Variants in SLC25A21 observed in about 807,000 individuals in gnomAD.
SLC25A21 encodes the protein solute carrier family 25 member 21.
In SLC25A21, 47 loss-of-function variants were observed where a neutral mutation model predicts 43.8. That is an observed-to-expected ratio of 1.07 (90% CI 0.85 to 1.37). The LOEUF (loss-of-function observed/expected upper bound fraction) is 1.37, where lower values mean the gene tolerates loss of function less well. Among genes scored for constraint, SLC25A21 ranks in the 40% most tolerant of loss-of-function variants. The probability of loss-of-function intolerance (pLI) is 0.00; values close to 1 mark genes in which losing one functional copy is unlikely to be tolerated. For synonymous variants in SLC25A21, 131 were observed against 121.3 expected (o/e 1.08, Z -0.52); for missense variants, 352 against 350.2 (o/e 1.00, Z -0.04).
intron 1 of SLC25A21, among the ~76,000 whole-genome samples, chr14:37,069,274 T>C (rs1962125471): frequency 6.6e-6 from 1 of 152,168 alleles, no homozygotes; most frequent in African/African-American, 2.4e-5. Context: ...TTCAGGGGTG[T>C]GGTTTTCAAG....
chr14:36,700,245 C>T (rs1186899427), intron 7 of SLC25A21, among the ~76,000 whole-genome samples: 2 of 152,174 alleles, frequency 1.3e-5, no homozygotes, highest in Non-Finnish European at 2.9e-5. Flanking sequence ...CCTTTCCATC[C>T]CCTTCTTCCA....
chr14:36,834,526 C>A (rs749721881), intron 2 of SLC25A21, among the ~76,000 whole-genome samples: 2 of 152,128 alleles, frequency 1.3e-5, no homozygotes, highest in African/African-American at 4.8e-5. Flanking sequence ...TACCTTGGTA[C>A]GTTGATTTCT....
At position 37,072,179 on chromosome 14, in the gene SLC25A21, CAAAAAAAA is replaced by C. The variant is rs36060373; in HGVS notation, c.70+100094_70+100101del. ...CCTGCGTGACAGAGTGAGACTGTCT[CAAAAAAAA>C]AAAAAAAAAAAAAGTGGAGGAAATA... On this transcript the variant is annotated intron_variant, in intron 1 of 9. Transcript: ENST00000331299. 5.1e-4 allele frequency among the ~76,000 whole-genome samples: 40 copies of C among 79,028 alleles called. No individual in the cohort carries two copies. In the South Asian group the frequency reaches 0.014, roughly 27 times the overall value. 51.8% of individuals were successfully genotyped at this position (79,028 alleles called of 152,430 possible).
intron 3 of SLC25A21, among the ~76,000 whole-genome samples, chr14:36,767,704 T>C (rs898409586): frequency 6.6e-6 from 1 of 152,216 alleles, no homozygotes; most frequent in African/African-American, 2.4e-5. Flanking sequence ...ATTATGCTAA[T>C]ACATATGCCA....
At chr14:36,823,457 T>G (rs1051158433) in intron 2 of SLC25A21, among the ~76,000 whole-genome samples, 3 of 152,172 alleles carry the variant, frequency 2.0e-5, no homozygotes, top group Non-Finnish European at 4.4e-5. Flanking sequence ...ATATTTAAAC[T>G]TCATATTTAA....
intron 1 of SLC25A21, among the ~76,000 whole-genome samples, chr14:36,893,855 T>C (rs894588057): frequency 7.2e-5 from 11 of 152,184 alleles, no homozygotes; most frequent in African/African-American, 1.7e-4. Flanking sequence ...GTTGTAGATA[T>C]GCAGCATTAT....
chr14:36,792,712 ACT>A (rs2138403434), intron 3 of SLC25A21, among the ~76,000 whole-genome samples: 1 of 152,168 alleles, frequency 6.6e-6, no homozygotes, highest in African/African-American at 2.4e-5. Flanking sequence ...GGTATTTAAA[ACT>A]CTAACATTTA....
rs757711209 is a variant in SLC25A21, at chr14:36,697,738, C to CTTTTTTTTTTTTTTTTTT, written c.604-12814_604-12813insAAAAAAAAAAAAAAAAAA. Among the ~76,000 whole-genome samples, 28 of 111,620 alleles carry CTTTTTTTTTTTTTTTTTT rather than the reference C, an allele frequency of 2.5e-4. 2 individuals carry two copies. The highest frequency in any genetic ancestry group is 6.8e-4 in the East Asian group (2 of 2,942). 73.2% of individuals were successfully genotyped at this position (111,620 alleles called of 152,430 possible). ...TCTGAGACTAGGATTGCAAGCCCTA[C>CTTTTTTTTTTTTTTTTTT]TTTTTTTTTTTGCTTTCCATTTGCT... On this transcript the variant is annotated intron_variant, in intron 7 of 9. Coordinates refer to ENST00000331299, the MANE Select transcript of SLC25A21 (RefSeq NM_030631.4).
intron 3 of SLC25A21, among the ~76,000 whole-genome samples, chr14:36,758,590 C>CAAAAA (rs11314165): frequency 7.8e-5 from 10 of 127,688 alleles, no homozygotes; most frequent in Admixed American, 4.1e-4. Context: ...TCAGCCAGGT[C>CAAAAA]AAAAAAAAAA....
At chr14:37,073,756 C>T (rs1962221349) in intron 1 of SLC25A21, among the ~76,000 whole-genome samples, 1 of 152,128 alleles carries the variant, frequency 6.6e-6, no homozygotes. Flanking sequence ...GCCAGGCACT[C>T]TGGTATCAAT....
intron 1 of SLC25A21, among the ~76,000 whole-genome samples, chr14:37,131,862 T>A (rs1292780275): frequency 6.6e-6 from 1 of 152,112 alleles, no homozygotes; most frequent in Non-Finnish European, 1.5e-5. Flanking sequence ...TTTGTAGAGA[T>A]GGGATCTTGC....
intron 1 of SLC25A21, among the ~76,000 whole-genome samples, chr14:36,977,618 A>G (rs1481922479): frequency 6.6e-6 from 1 of 152,184 alleles, no homozygotes; most frequent in Admixed American, 6.5e-5. Flanking sequence ...TCACCACACC[A>G]TAATTTTCTA....
At chr14:36,694,157 G>A (rs1229760005) in intron 7 of SLC25A21, among the ~76,000 whole-genome samples, 1 of 151,664 alleles carries the variant, frequency 6.6e-6, no homozygotes, top group African/African-American at 2.4e-5. Context: ...GTGAGAACAT[G>A]CGGTGTTTGG....
At chr14:37,168,842 A>T (rs1450953564) in intron 1 of SLC25A21, among the ~76,000 whole-genome samples, 6 of 152,106 alleles carry the variant, frequency 3.9e-5, no homozygotes, top group Non-Finnish European at 8.8e-5. Flanking sequence ...TTATATCTTC[A>T]CATAGACCAA....
intron 3 of SLC25A21, among the ~76,000 whole-genome samples, chr14:36,798,589 A>G (rs889277787): frequency 4.0e-5 from 6 of 151,896 alleles, no homozygotes; most frequent in Admixed American, 6.6e-5. Context: ...ATGCTGCCTA[A>G]CAGAGGACTG....
At chr14:36,716,800 C>A (rs1884157651) in intron 6 of SLC25A21, among the ~76,000 whole-genome samples, 1 of 152,134 alleles carries the variant, frequency 6.6e-6, no homozygotes, top group African/African-American at 2.4e-5. Flanking sequence ...TGGGTAAATA[C>A]CAGTCAGAGT....
At chr14:36,963,977 T>G (rs1415572032) in intron 1 of SLC25A21, among the ~76,000 whole-genome samples, 5 of 152,156 alleles carry the variant, frequency 3.3e-5, no homozygotes, top group Admixed American at 6.5e-5. Flanking sequence ...TTTGCTTATT[T>G]GCAAAGGCTA....
At chr14:36,862,134 A>G (rs2138533278) in intron 2 of SLC25A21, among the ~76,000 whole-genome samples, 1 of 152,354 alleles carries the variant, frequency 6.6e-6, no homozygotes, top group African/African-American at 2.4e-5. Flanking sequence ...GGATATGGAG[A>G]AATAGGAATG....
At chr14:37,093,260 A>T (rs1224608530) in intron 1 of SLC25A21, among the ~76,000 whole-genome samples, 4 of 152,200 alleles carry the variant, frequency 2.6e-5, no homozygotes, top group Non-Finnish European at 5.9e-5. Flanking sequence ...TTAGTTTATC[A>T]AATAAAATTA....
Sources: gnomAD v4.1 joint callset for allele counts (sites outside exome capture counted in the v4.1 genomes callset) on GRCh38, gnomAD v4.1.1 for gene constraint, MANE v1.5 for transcripts, NCBI Gene and HGNC (gene_info 2026-07-23, HGNC 2026-07-21) for gene names.